The following PTPRD variants were observed in gnomAD, a reference collection of about 807,000 sequenced individuals.
PTPRD encodes the protein receptor-type tyrosine-protein phosphatase delta.
PTPRD carries 34 observed loss-of-function variants against 214.5 expected under a neutral mutation model. That is an observed-to-expected ratio of 0.16 (90% CI 0.12 to 0.21). The LOEUF (loss-of-function observed/expected upper bound fraction) is 0.21, where lower values mean the gene tolerates loss of function less well. PTPRD is among the 10% of genes least tolerant of loss of function. The probability of loss-of-function intolerance (pLI) is 1.00; values close to 1 mark genes in which losing one functional copy is unlikely to be tolerated. For synonymous variants in PTPRD, 1,128 were observed against 845.7 expected (o/e 1.33, Z -5.79); for missense variants, 2,545 against 2,398.7 (o/e 1.06, Z -1.27).
chr9:9,420,263 A>G (rs1241597325), intron 8 of PTPRD, among the ~76,000 whole-genome samples: 3 of 151,856 alleles, frequency 2.0e-5, no homozygotes, highest in African/African-American at 4.8e-5. Flanking sequence ...AGTGTAAACT[A>G]TTTTAGTTTT....
chr9:9,529,664 TCTCA>T (rs1302947557), intron 8 of PTPRD, among the ~76,000 whole-genome samples: 1 of 151,878 alleles, frequency 6.6e-6, no homozygotes, highest in Non-Finnish European at 1.5e-5. Flanking sequence ...AAACAGCAAC[TCTCA>T]CTCATTGCTG....
chr9:9,702,839 C>T (rs2097529930), intron 7 of PTPRD, among the ~76,000 whole-genome samples: 1 of 152,044 alleles, frequency 6.6e-6, no homozygotes, highest in South Asian at 2.1e-4. Context: ...TGAATGTGAT[C>T]AGGAGAGTAA....
chr9:9,107,964 G>C (rs950288187), intron 10 of PTPRD, among the ~76,000 whole-genome samples: 33 of 152,064 alleles, frequency 2.2e-4, no homozygotes, highest in African/African-American at 7.5e-4. Context: ...AAATGTTCAA[G>C]CCACTTTTCT....
chr9:9,504,987 G>C (rs542011516), intron 8 of PTPRD, among the ~76,000 whole-genome samples: 79 of 151,758 alleles, frequency 5.2e-4, no homozygotes, highest in African/African-American at 1.9e-3. Flanking sequence ...TTTGTTGACA[G>C]ACTAGCTCAA....
In PTPRD at chr9:10,230,981, G is replaced by C. The variant is rs896016729; in HGVS notation, c.-545+109982C>G. Among the ~76,000 whole-genome samples, 38 of 151,958 alleles carry C rather than the reference G, an allele frequency of 2.5e-4. 1 individual carries two copies. Among genetic ancestry groups the C allele is most frequent in the Non-Finnish European group, 8.8e-5 (6 of 67,934 alleles). ...ATCTACTTGAAGTTCCTTTGGGTCT[G>C]TAAGATGCTTATGAGGAGGACTTGG... On this transcript the variant is annotated intron_variant, in intron 3 of 45. Coordinates refer to ENST00000381196, the MANE Select transcript of PTPRD (RefSeq NM_002839.4).
At chr9:10,271,121 G>T (rs1182105987) in intron 3 of PTPRD, among the ~76,000 whole-genome samples, 1 of 152,076 alleles carries the variant, frequency 6.6e-6, no homozygotes, top group Non-Finnish European at 1.5e-5. Flanking sequence ...ATGGTGCCTG[G>T]CCTGGACCTA....
chr9:10,469,990 C>G (rs1257551859), intron 2 of PTPRD, among the ~76,000 whole-genome samples: 2 of 151,114 alleles, frequency 1.3e-5, no homozygotes, highest in Non-Finnish European at 2.9e-5. Context: ...ACTGGTGTTA[C>G]CAGAGGCTGG....
intron 9 of PTPRD, among the ~76,000 whole-genome samples, chr9:9,303,965 A>T (rs1299604122): frequency 6.6e-6 from 1 of 152,170 alleles, no homozygotes; most frequent in Non-Finnish European, 1.5e-5. Context: ...GGCTTCTAGC[A>T]GTAACATTTG....
intron 5 of PTPRD, among the ~76,000 whole-genome samples, chr9:9,815,654 T>C (rs1323967303): frequency 6.6e-6 from 1 of 152,132 alleles, no homozygotes; most frequent in East Asian, 1.9e-4. Flanking sequence ...GCAAGATACA[T>C]ATAGTGATGT....
At chr9:9,409,328 G>T (rs1489347866) in intron 8 of PTPRD, among the ~76,000 whole-genome samples, 1 of 151,862 alleles carries the variant, frequency 6.6e-6, no homozygotes, top group Non-Finnish European at 1.5e-5. Context: ...TTGGAATTAG[G>T]TAATTTTTTA....
intron 35 of PTPRD, among the ~76,000 whole-genome samples, chr9:8,423,934 A>G (rs1275067772): frequency 2.0e-5 from 3 of 152,144 alleles, no homozygotes; most frequent in South Asian, 2.1e-4. Context: ...CCAACTAATC[A>G]AATATATTTT....
chr9:9,380,220 T>G (rs901843532), intron 9 of PTPRD, among the ~76,000 whole-genome samples: 1 of 152,124 alleles, frequency 6.6e-6, no homozygotes, highest in Non-Finnish European at 1.5e-5. Context: ...GCTAGACATC[T>G]CTCTAGACAC....
At chr9:8,809,194 T>C (rs1269704006) in intron 11 of PTPRD, among the ~76,000 whole-genome samples, 1 of 152,150 alleles carries the variant, frequency 6.6e-6, no homozygotes, top group Non-Finnish European at 1.5e-5. Context: ...AAAATACTAG[T>C]TGTTAAAATG....
intron 5 of PTPRD, among the ~76,000 whole-genome samples, chr9:9,911,951 T>C (rs796398614): frequency 6.6e-6 from 1 of 152,248 alleles, no homozygotes; most frequent in South Asian, 2.1e-4. Flanking sequence ...AACCAGCTTA[T>C]ACTACCATAA....
intron 8 of PTPRD, among the ~76,000 whole-genome samples, chr9:9,451,074 GC>G (rs1442866454): frequency 4.0e-5 from 6 of 150,048 alleles, no homozygotes; most frequent in African/African-American, 1.2e-4. Flanking sequence ...GAATAAAAAA[GC>G]AAAAATTGTA....
intron 5 of PTPRD, among the ~76,000 whole-genome samples, chr9:9,782,828 A>G (rs182351701): frequency 7.2e-5 from 11 of 152,258 alleles, no homozygotes; most frequent in African/African-American, 2.6e-4. Context: ...AAACCCACAA[A>G]ACGAAAGTTC....
chr9:8,377,168 G>T (rs896231396), intron 37 of PTPRD, among the ~76,000 whole-genome samples: 3 of 151,938 alleles, frequency 2.0e-5, no homozygotes, highest in African/African-American at 4.8e-5. Flanking sequence ...CTTGTTTAAA[G>T]AAAAGTAGAA....
intron 7 of PTPRD, among the ~76,000 whole-genome samples, chr9:9,669,873 G>A (rs189025194): frequency 4.6e-5 from 7 of 152,234 alleles, no homozygotes; most frequent in Admixed American, 2.6e-4. Context: ...TTATAGCCAT[G>A]TGTCCATAAA....
intron 2 of PTPRD, among the ~76,000 whole-genome samples, chr9:10,557,858 T>A (rs886313439): frequency 6.6e-6 from 1 of 152,186 alleles, no homozygotes; most frequent in Non-Finnish European, 1.5e-5. Context: ...TGTCACGTTC[T>A]AAGAAGCATG....
Sources: gnomAD v4.1 joint callset for allele counts (sites outside exome capture counted in the v4.1 genomes callset) on GRCh38, gnomAD v4.1.1 for gene constraint, MANE v1.5 for transcripts, NCBI Gene and HGNC (gene_info 2026-07-23, HGNC 2026-07-21) for gene names.